The following DOCK3 variants were observed in gnomAD, a reference collection of about 807,000 sequenced individuals.
DOCK3 encodes dedicator of cytokinesis 3, also known as dedicator of cytokinesis protein 3.
A neutral mutation model predicts 265.6 loss-of-function variants in DOCK3; 60 were observed. That is an observed-to-expected ratio of 0.23 (90% CI 0.18 to 0.28). DOCK3 has a LOEUF of 0.28. DOCK3 is among the 10% of genes least tolerant of loss of function. The pLI, the probability that DOCK3 is intolerant of heterozygous loss-of-function variation, is 1.00. For synonymous variants in DOCK3, 881 were observed against 938.0 expected, an observed-to-expected ratio of 0.94 and a Z score of 1.11; for missense variants, 1,981 against 2,594.3, an observed-to-expected ratio of 0.76 and a Z score of 5.14.
chr3:51,277,239 C>A (rs1235785275), intron 25 of DOCK3, among the ~76,000 whole-genome samples: 1 of 152,224 alleles, frequency 6.6e-6, no homozygotes, highest in Non-Finnish European at 1.5e-5. Context: ...CTTTATCATT[C>A]CAAAAGTGTC....
intron 1 of DOCK3, among the ~76,000 whole-genome samples, chr3:50,714,624 A>T (rs113350084): frequency 6.6e-6 from 1 of 151,976 alleles, no homozygotes; most frequent in Non-Finnish European, 1.5e-5. Context: ...TAATTTTTAA[A>T]TTTTTTTGTA....
At chr3:51,245,859 A>G (rs1267200339) in intron 21 of DOCK3, among the ~76,000 whole-genome samples, 1 of 152,158 alleles carries the variant, frequency 6.6e-6, no homozygotes, top group East Asian at 1.9e-4. Flanking sequence ...ATTTGTGATA[A>G]CTTTGAGATG....
chr3:51,139,884 G>A (rs571312672), intron 9 of DOCK3, among the ~76,000 whole-genome samples: 4 of 152,326 alleles, frequency 2.6e-5, no homozygotes, highest in African/African-American at 9.6e-5. Flanking sequence ...AGGCAAGAAT[G>A]AGCTTGGCAT....
chr3:51,262,117 T>A (rs2079884184), intron 23 of DOCK3, among the ~76,000 whole-genome samples: 1 of 152,210 alleles, frequency 6.6e-6, no homozygotes, highest in African/African-American at 2.4e-5. Context: ...GCCTCCTGAC[T>A]GGGAGACATC....
chr3:51,367,496 G>A (rs1047443748), intron 49 of DOCK3, among the ~76,000 whole-genome samples: 1 of 152,248 alleles, frequency 6.6e-6, no homozygotes, highest in South Asian at 2.1e-4. Flanking sequence ...TTACATTTAA[G>A]GTTAATATTG....
intron 3 of DOCK3, chr3:50,877,244 T>G: frequency 2.9e-6 from 1 of 344,826 alleles, no homozygotes; most frequent in East Asian, 7.5e-5. Context: ...CGGAGCCTTC[T>G]TAACCCTTTT....
intron 2 of DOCK3, among the ~76,000 whole-genome samples, chr3:50,780,914 TTC>T (rs1391145308): frequency 1.3e-5 from 2 of 152,170 alleles, no homozygotes; most frequent in East Asian, 3.8e-4. Flanking sequence ...GTGTTTAACT[TTC>T]TCTTTTTGGC....
At chr3:51,379,663 G>C (rs1292320679) in intron 51 of DOCK3, 17 of 977,830 alleles carry the variant, frequency 1.7e-5, no homozygotes, top group Non-Finnish European at 1.9e-5. Flanking sequence ...GAGAAGATGG[G>C]CCATTCTCTG....
chr3:50,995,658 C>T (rs890906413), intron 5 of DOCK3, among the ~76,000 whole-genome samples: 1 of 152,082 alleles, frequency 6.6e-6, no homozygotes, highest in African/African-American at 2.4e-5. Flanking sequence ...GTATTACAGG[C>T]CTTCTTGAAA....
intron 14 of DOCK3, among the ~76,000 whole-genome samples, chr3:51,215,274 A>G (rs2089721022): frequency 6.6e-6 from 1 of 151,930 alleles, no homozygotes; most frequent in African/African-American, 2.4e-5. Flanking sequence ...CACCTGGCTA[A>G]TTTTTGTAAT....
At chr3:51,257,654 C>G (rs2079621544) in intron 22 of DOCK3, among the ~76,000 whole-genome samples, 2 of 152,114 alleles carry the variant, frequency 1.3e-5, no homozygotes, top group South Asian at 4.1e-4. Context: ...GGTGGATCTT[C>G]TTGGTGATAC....
At chr3:50,725,036 A>T (rs1172035357) in intron 1 of DOCK3, among the ~76,000 whole-genome samples, 3 of 152,088 alleles carry the variant, frequency 2.0e-5, no homozygotes, top group Non-Finnish European at 4.4e-5. Flanking sequence ...CCAAGTCGTG[A>T]TGAAAGATAC....
At chr3:50,831,582 G>T (rs1474750652) in intron 2 of DOCK3, among the ~76,000 whole-genome samples, 1 of 152,146 alleles carries the variant, frequency 6.6e-6, no homozygotes, top group African/African-American at 2.4e-5. Flanking sequence ...GGGCTGCATA[G>T]TATTCCATGT....
intron 5 of DOCK3, among the ~76,000 whole-genome samples, chr3:50,964,489 A>G (rs1428770683): frequency 6.6e-6 from 1 of 152,172 alleles, no homozygotes; most frequent in Non-Finnish European, 1.5e-5. Flanking sequence ...TAAAATATAC[A>G]CTGAATGAGA....
chr3:51,201,810 A>G (rs1364779786), intron 12 of DOCK3, among the ~76,000 whole-genome samples: 1 of 152,198 alleles, frequency 6.6e-6, no homozygotes, highest in African/African-American at 2.4e-5. Flanking sequence ...AACAGAAATT[A>G]TAACAAACTG....
At chr3:51,000,309 T>G (rs1237310403) in intron 5 of DOCK3, among the ~76,000 whole-genome samples, 1 of 152,226 alleles carries the variant, frequency 6.6e-6, no homozygotes, top group Non-Finnish European at 1.5e-5. Context: ...AAGTGTCTTG[T>G]GGCAGCGTTT....
chr3:50,848,124 CT>C (rs2046180447), intron 3 of DOCK3, among the ~76,000 whole-genome samples: 2 of 151,872 alleles, frequency 1.3e-5, no homozygotes, highest in African/African-American at 2.4e-5. Flanking sequence ...AACCCCTGAT[CT>C]TTTTTGTTTT....
intron 2 of DOCK3, among the ~76,000 whole-genome samples, chr3:50,834,313 T>C (rs2045374585): frequency 1.3e-5 from 2 of 152,104 alleles, no homozygotes; most frequent in South Asian, 4.1e-4. Flanking sequence ...GATGACCAAA[T>C]TGTTTAGGGA....
intron 1 of DOCK3, among the ~76,000 whole-genome samples, chr3:50,679,807 T>A (rs1305496932): frequency 6.6e-6 from 1 of 152,214 alleles, no homozygotes; most frequent in African/African-American, 2.4e-5. Context: ...GTAGGAAAGA[T>A]TTCATAGACC....
Sources: allele counts gnomAD v4.1 joint callset (sites outside exome capture counted in the v4.1 genomes callset), GRCh38; gene constraint gnomAD v4.1.1; transcripts MANE v1.5; gene names NCBI Gene and HGNC (gene_info 2026-07-23, HGNC 2026-07-21).